Variants in PDGFRB observed in about 807,000 individuals in gnomAD.
PDGFRB encodes the protein platelet derived growth factor receptor beta.
PDGFRB carries 42 observed loss-of-function variants against 120.2 expected under a neutral mutation model. The observed-to-expected ratio is 0.35, with a 90% confidence interval of 0.27 to 0.45. The LOEUF (loss-of-function observed/expected upper bound fraction) is 0.45. Ranked by LOEUF, PDGFRB falls within the 20% of genes least tolerant of loss-of-function variation. The pLI, the probability that PDGFRB is intolerant of heterozygous loss-of-function variation, is 1.00. For missense variants in PDGFRB, 1,149 were observed against 1,476.3 expected (o/e 0.78, Z 3.63); for synonymous variants, 586 against 606.8 (o/e 0.97, Z 0.50).
chr5:150,133,531 T>G, intron 6 of PDGFRB, 55 bp downstream of exon 6: 1 of 1,443,788 alleles, frequency 6.9e-7, no homozygotes, highest in Non-Finnish European at 9.7e-7. Flanking sequence ...GCAAAGTGGG[T>G]GAGGGTGGGG....
intron 1 of PDGFRB, among the ~76,000 whole-genome samples, chr5:150,154,180 T>C (rs1201307080): frequency 6.6e-6 from 1 of 152,084 alleles, no homozygotes; most frequent in African/African-American, 2.4e-5. Context: ...AGGTGGTGTA[T>C]GGAATATCCC....
intron 1 of PDGFRB, among the ~76,000 whole-genome samples, chr5:150,143,370 A>G (rs1760833422): frequency 6.6e-6 from 1 of 152,082 alleles, no homozygotes; most frequent in Non-Finnish European, 1.5e-5. Context: ...GTGTCTTGGG[A>G]GCACTTTCAG....
chr5:150,136,148 C>G (rs1034138653), intron 2 of PDGFRB, among the ~76,000 whole-genome samples: 1 of 152,204 alleles, frequency 6.6e-6, no homozygotes, highest in Non-Finnish European at 1.5e-5. Context: ...CAGTAGGCAC[C>G]AGAAGGGGCC....
chr5:150,127,833 TAAAAAAA>T (rs56899708), intron 10 of PDGFRB, among the ~76,000 whole-genome samples: 33 of 62,432 alleles, frequency 5.3e-4, no homozygotes, highest in African/African-American at 2.2e-3. Flanking sequence ...GACTCCATCT[TAAAAAAA>T]AAAAAAAAAA....
At chr5:150,141,213 C>T (rs907987206) in intron 1 of PDGFRB, among the ~76,000 whole-genome samples, 9 of 152,194 alleles carry the variant, frequency 5.9e-5, no homozygotes, top group African/African-American at 1.2e-4. Context: ...GCCCAGCACC[C>T]GTGGAGATGC....
chr5:150,136,180 T>C (rs1015150839), intron 2 of PDGFRB, among the ~76,000 whole-genome samples: 1 of 152,132 alleles, frequency 6.6e-6, no homozygotes, highest in African/African-American at 2.4e-5. Context: ...GGGAAGCAAT[T>C]CCCTGGCCTC....
At chr5:150,134,684 A>C (rs768235417) in intron 4 of PDGFRB, 66 bp downstream of exon 4, 1 of 1,441,194 alleles carries the variant, frequency 6.9e-7, no homozygotes, top group Admixed American at 2.2e-5. Context: ...TAAACTGTAA[A>C]GGGCTATTCC....
At chr5:150,136,795 G>A (rs989239500) in intron 2 of PDGFRB, among the ~76,000 whole-genome samples, 37 of 152,170 alleles carry the variant, frequency 2.4e-4, no homozygotes, top group African/African-American at 8.7e-4. Context: ...GATGGTTCTG[G>A]ACAAGCAGGG....
At chr5:150,139,937 G>A (rs577572292) in intron 1 of PDGFRB, among the ~76,000 whole-genome samples, 81 of 150,606 alleles carry the variant, frequency 5.4e-4, no homozygotes, top group Non-Finnish European at 9.0e-4. Context: ...CTGAGATCAC[G>A]CCACTACACT....
chr5:150,115,601 C>T lies in PDGFRB; in HGVS notation c.*162G>A, dbSNP rs1759902507. ...GCAGTTTTCTTGCCTCCTAAGCCAG[C>T]CCCAGGGTTTGGGGCACAACACGTC... is the stretch of plus-strand genomic sequence containing the variant. On this transcript the variant is annotated 3_prime_UTR_variant, in exon 23 of 23. Transcript: ENST00000261799. 3 of 607,652 alleles carry T rather than the reference C, an allele frequency of 4.9e-6. No homozygotes were observed. Among genetic ancestry groups the T allele is most frequent in the Non-Finnish European group, 7.8e-6 (3 of 386,300 alleles). The allele number at this position is 607,652 out of a possible 1,614,324, so 37.6% of individuals were successfully genotyped here. A position where few individuals can be genotyped will look rare whatever the true frequency, so the allele number is the denominator to read the frequency against.
At chr5:150,141,336 C>T (rs1760778479) in intron 1 of PDGFRB, among the ~76,000 whole-genome samples, 1 of 152,252 alleles carries the variant, frequency 6.6e-6, no homozygotes, top group Non-Finnish European at 1.5e-5. Flanking sequence ...AACAGACAAG[C>T]CAGAAAGCCC....
At chr5:150,138,744 C>T (rs910547912) in intron 1 of PDGFRB, among the ~76,000 whole-genome samples, 8 of 152,334 alleles carry the variant, frequency 5.3e-5, no homozygotes, top group East Asian at 3.9e-4. Context: ...AGCGCCAAGG[C>T]GGAGCCAGCA....
intron 1 of PDGFRB, chr5:150,153,480 C>G (rs1399288557): frequency 6.6e-6 from 1 of 152,212 alleles, no homozygotes; most frequent in African/African-American, 2.4e-5. Context: ...CTAAACACCA[C>G]CTTAACTCAC....
In PDGFRB at chr5:150,117,771, A is replaced by G. The variant is rs1356340101; in HGVS notation, c.2984T>C (p.Phe995Ser). 3 of 1,613,482 alleles carry G rather than the reference A, an allele frequency of 1.9e-6. No homozygotes were observed. Among genetic ancestry groups the G allele is most frequent in the Non-Finnish European group, 1.7e-6 (2 of 1,179,502 alleles). Residue 995 changes from phenylalanine (F) to serine (S), a missense_variant, in exon 22 of 23, where the codon TTC (phenylalanine) becomes TCC (serine). Physicochemically the swap from Phe to Ser is radical, Grantham distance 155 (BLOSUM62 -2). Around this residue, in one of 3 missense-constraint regions of PDGFRB, gnomAD observed 202 missense variants for 214.3 expected, o/e 0.94. Coordinates refer to ENST00000261799, the MANE Select transcript of PDGFRB (RefSeq NM_002609.4). ...ILRSQARLPG[F>S]HGLRSPLDTS... Reference sequence around the variant, plus strand: ...GTCCAGGGGAGATCGGAGGCCATGGAACCCAGGCAAGCGGGCCTGGGACCG... The same window carrying G: ...GTCCAGGGGAGATCGGAGGCCATGGGACCCAGGCAAGCGGGCCTGGGACCG...
chr5:150,139,825 C>CA (rs1426324035), intron 1 of PDGFRB, among the ~76,000 whole-genome samples: 3 of 151,964 alleles, frequency 2.0e-5, no homozygotes, highest in Non-Finnish European at 4.4e-5. Flanking sequence ...ACTAAAAATA[C>CA]AAAAATTAGC....
intron 2 of PDGFRB, 74 bp from the exon 3 acceptor site, chr5:150,135,952 G>C (rs899834967): frequency 1.0e-6 from 1 of 1,000,472 alleles, no homozygotes; most frequent in African/African-American, 1.6e-5. Flanking sequence ...CCTGCGAGGA[G>C]GCCACGTATG....
intron 2 of PDGFRB, 127 bp downstream of exon 2, chr5:150,136,879 CTA>C: frequency 1.4e-6 from 1 of 717,734 alleles, no homozygotes; most frequent in Non-Finnish European, 2.4e-6. Flanking sequence ...ATCCTGAAAA[CTA>C]AAGCTGAAGG....
At position 150,117,535 on chromosome 5, in the gene PDGFRB, C is replaced by T. The variant is rs567251193; in HGVS notation, c.3137+83G>A. The T allele has an allele frequency of 1.3e-4, 83 of 649,814 alleles. 1 individual carries two copies. The highest frequency in any genetic ancestry group is 9.6e-4 in the African/African-American group (33 of 34,364). The allele number at this position is 649,814 out of a possible 1,614,324, so 40.3% of individuals were successfully genotyped here. A position where few individuals can be genotyped will look rare whatever the true frequency, so the allele number is the denominator to read the frequency against. On this transcript the variant is annotated intron_variant, in intron 22 of 22. Coordinates refer to ENST00000261799, the MANE Select transcript of PDGFRB (RefSeq NM_002609.4). ...TCTGAGGCAAACCTGGCAGCGCGCG[C>T]GCGCGCGCGCACACACACACACACA...
rs1272689602 is a variant in PDGFRB at position 150,132,967 on chromosome 5, G to A, written c.935-25C>T. 4.0e-6 allele frequency: 6 copies of A among 1,500,478 alleles called. No individual in the cohort carries two copies. Among genetic ancestry groups the A allele is most frequent in the East Asian group, 4.9e-5 (2 of 40,532 alleles). 92.9% of individuals were successfully genotyped at this position (1,500,478 alleles called of 1,614,324 possible). On this transcript the variant is annotated intron_variant, in intron 6 of 22. Coordinates refer to ENST00000261799, the MANE Select transcript of PDGFRB (RefSeq NM_002609.4). The surrounding 1 kb of genome is among the most constrained non-coding windows in gnomAD (Gnocchi z 5.0). ...TCTGCAAGGGGTGACCGTCAGGGGC[G>A]GGGCCCTGGGGGCAGGGCACCAACT...
Sources: allele counts gnomAD v4.1 joint callset (sites outside exome capture counted in the v4.1 genomes callset), GRCh38; gene constraint gnomAD v4.1.1; regional missense constraint gnomAD v4.1.1; non-coding constraint Gnocchi (gnomAD v3.1); transcripts MANE v1.5; gene names NCBI Gene and HGNC (gene_info 2026-07-23, HGNC 2026-07-21).